The following ADAM12 variants were observed in gnomAD, a reference collection of about 807,000 sequenced individuals.
The protein encoded by ADAM12 is disintegrin and metalloproteinase domain-containing protein 12.
ADAM12 carries 70 observed loss-of-function variants against 106.4 expected under a neutral mutation model. The ratio of observed to expected loss-of-function variants is 0.66; its 90% CI spans 0.54 to 0.80. The LOEUF (loss-of-function observed/expected upper bound fraction) is 0.80, where lower values mean the gene tolerates loss of function less well. Ranked by LOEUF, ADAM12 falls within the 30% of genes least tolerant of loss-of-function variation. ADAM12 has a pLI of 0.00. For missense variants in ADAM12, 1,010 were observed against 1,171.9 expected (o/e 0.86, Z 2.02); for synonymous variants, 420 against 433.5 (o/e 0.97, Z 0.39).
At chr10:126,323,894 G>T (rs1187705213) in intron 2 of ADAM12, among the ~76,000 whole-genome samples, 1 of 152,220 alleles carries the variant, frequency 6.6e-6, no homozygotes, top group African/African-American at 2.4e-5. Context: ...TTATTGGGTT[G>T]AGCATAGTCG....
intron 3 of ADAM12, among the ~76,000 whole-genome samples, chr10:126,188,966 A>G (rs1216493458): frequency 6.6e-6 from 1 of 151,846 alleles, no homozygotes; most frequent in Non-Finnish European, 1.5e-5. Flanking sequence ...CCATCTATTC[A>G]CCATCCATCT....
intron 4 of ADAM12, among the ~76,000 whole-genome samples, chr10:126,143,988 G>A (rs375708489): frequency 2.6e-5 from 4 of 152,098 alleles, no homozygotes; most frequent in Non-Finnish European, 5.9e-5. Context: ...GAGTGTGCAG[G>A]GCAGGATTGT....
intron 1 of ADAM12, among the ~76,000 whole-genome samples, chr10:126,335,983 A>G (rs746957969): frequency 6.6e-6 from 1 of 152,218 alleles, no homozygotes; most frequent in Non-Finnish European, 1.5e-5. Context: ...AAACAAGGAC[A>G]GTCTGAGGTA....
At chr10:126,242,844 C>T (rs113979857) in intron 3 of ADAM12, among the ~76,000 whole-genome samples, 2,626 of 152,204 alleles carry the variant, frequency 0.017, 79 homozygotes, top group African/African-American at 0.06. Flanking sequence ...CTTGCTGGCT[C>T]TTTCCAGTGT....
rs777740144 is a variant in ADAM12 at position 126,109,826 on chromosome 10, G to A, written c.618C>T (p.Thr206=). 6.2e-7 allele frequency: 1 copy of A among 1,611,314 alleles called. No homozygotes were observed. Among genetic ancestry groups the A allele is most frequent in the Non-Finnish European group, 8.5e-7 (1 of 1,178,922 alleles). The change falls in exon 7 of 23, where the codon ACC becomes ACT. Residue 206 remains threonine, a synonymous_variant. Transcript: ENST00000448723. The part of the protein sequence containing the change: ...QTWARRHKRE[T]LKATKYVELV... ...GCTCCACATACTTAGTTGCCTTGAG[G>A]GTCTCTCTTTTATGCTGCCAAGAGT...
intron 3 of ADAM12, among the ~76,000 whole-genome samples, chr10:126,222,550 C>T (rs898306210): frequency 1.3e-5 from 2 of 150,980 alleles, no homozygotes; most frequent in African/African-American, 2.4e-5. Flanking sequence ...TCCTGGTGGC[C>T]CCAGAACCGA....
chr10:126,257,746 A>T (rs1274765172), intron 3 of ADAM12, among the ~76,000 whole-genome samples: 1 of 152,224 alleles, frequency 6.6e-6, no homozygotes, highest in African/African-American at 2.4e-5. Context: ...AGGTAAGAAC[A>T]AAGATAAAGA....
intron 3 of ADAM12, among the ~76,000 whole-genome samples, chr10:126,244,388 G>A (rs1207770597): frequency 2.6e-5 from 4 of 152,212 alleles, no homozygotes; most frequent in Non-Finnish European, 4.4e-5. Context: ...GGTACAGATG[G>A]TGAGAAAGGG....
rs183807717 is a variant in ADAM12, at chr10:126,163,224, C to T, written c.261-7919G>A. Among the ~76,000 whole-genome samples, 285 of 152,246 alleles carry T rather than the reference C, an allele frequency of 1.9e-3. 5 individuals are homozygous for T. The highest frequency in any genetic ancestry group is 0.016 in the Admixed American group (252 of 15,294). Reference sequence around the variant, plus strand: ...AGTCTCAGGTATTTCTTCATAGCAACGCAAGAATGTCCTAATCCAGCCATG... The same window carrying T: ...AGTCTCAGGTATTTCTTCATAGCAATGCAAGAATGTCCTAATCCAGCCATG... On this transcript the variant is annotated intron_variant, in intron 3 of 22. Transcript: ENST00000448723.
intron 2 of ADAM12, among the ~76,000 whole-genome samples, chr10:126,307,883 G>A (rs1369756422): frequency 6.6e-6 from 1 of 152,238 alleles, no homozygotes; most frequent in Non-Finnish European, 1.5e-5. Flanking sequence ...ATGAGCCAGC[G>A]TGCCTGGCCC....
intron 3 of ADAM12, among the ~76,000 whole-genome samples, chr10:126,199,533 A>G (rs1482866586): frequency 6.6e-6 from 1 of 152,152 alleles, no homozygotes; most frequent in African/African-American, 2.4e-5. Context: ...ACCTCTGCTC[A>G]TCAAGTGTCA....
At chr10:126,154,761 G>A (rs1328452084) in intron 4 of ADAM12, among the ~76,000 whole-genome samples, 1 of 152,152 alleles carries the variant, frequency 6.6e-6, no homozygotes, top group Non-Finnish European at 1.5e-5. Context: ...GGGGATAAAT[G>A]TCATGTTACA....
At chr10:126,343,523 T>A (rs1200217859) in intron 1 of ADAM12, among the ~76,000 whole-genome samples, 2 of 152,222 alleles carry the variant, frequency 1.3e-5, no homozygotes, top group Admixed American at 1.3e-4. Flanking sequence ...GCATGATTTA[T>A]AATCCTTTGG....
rs573314941 is a variant in ADAM12, at chr10:126,043,282, G to C, written c.1996-134C>G. 54 of 811,858 alleles carry C rather than the reference G, an allele frequency of 6.7e-5. No homozygotes were observed. The Admixed American group carries it at 7.6e-4, about 11-fold the overall frequency. The allele number at this position is 811,858 out of a possible 1,614,324, so 50.3% of individuals were successfully genotyped here. On this transcript the variant is annotated intron_variant, in intron 17 of 22. Transcript: ENST00000448723. The surrounding 1 kb of genome is among the most constrained non-coding windows in gnomAD (Gnocchi z 4.1). Reference sequence around the variant, plus strand: ...CCAGACTCAGCACACGCCATGGTGCGAATAAGCCCAAAGCCGGCACTACAC... The same window carrying C: ...CCAGACTCAGCACACGCCATGGTGCCAATAAGCCCAAAGCCGGCACTACAC...
At chr10:126,165,236 C>T (rs573642125) in intron 3 of ADAM12, among the ~76,000 whole-genome samples, 6 of 152,232 alleles carry the variant, frequency 3.9e-5, no homozygotes, top group South Asian at 4.1e-4. Context: ...GGTGCGATCC[C>T]GGCTCACTGC....
At chr10:126,387,713 C>G (rs1353145162) in intron 1 of ADAM12, among the ~76,000 whole-genome samples, 1 of 152,098 alleles carries the variant, frequency 6.6e-6, no homozygotes. Flanking sequence ...AGCAAGAGGA[C>G]CCGACACGCA....
intron 3 of ADAM12, among the ~76,000 whole-genome samples, chr10:126,170,375 CT>C (rs1347849148): frequency 7.9e-5 from 12 of 151,218 alleles, no homozygotes; most frequent in African/African-American, 2.4e-5. Flanking sequence ...ATTCCTCTTG[CT>C]GAGGCTACCA....
intron 2 of ADAM12, among the ~76,000 whole-genome samples, chr10:126,294,914 GTA>G (rs1491146807): frequency 4.7e-5 from 7 of 148,062 alleles, no homozygotes; most frequent in African/African-American, 1.7e-4. Context: ...GTGTGTGTGT[GTA>G]TGTGTGTGTG....
rs182518942 is a variant in ADAM12 at position 126,316,795 on chromosome 10, A to G, written c.186+13617T>C. 7.1e-4 allele frequency among the ~76,000 whole-genome samples: 108 copies of G among 151,948 alleles called. 1 individual carries two copies. In the East Asian group the frequency reaches 0.015, roughly 21 times the overall value. On this transcript the variant is annotated intron_variant, in intron 2 of 22. Coordinates refer to ENST00000448723, the MANE Select transcript of ADAM12 (RefSeq NM_001288973.2). ...TGAGACCCTATCTCAAAAAAAAAAA[A>G]AAAAAAGAAAAGAAAATTGTTAAAA...
Sources: allele counts gnomAD v4.1 joint callset (sites outside exome capture counted in the v4.1 genomes callset), GRCh38; gene constraint gnomAD v4.1.1; non-coding constraint Gnocchi (gnomAD v3.1); transcripts MANE v1.5; gene names NCBI Gene and HGNC (gene_info 2026-07-23, HGNC 2026-07-21).